CADPS: variants seen among roughly 807,000 people sequenced by gnomAD.
CADPS encodes calcium-dependent secretion activator 1.
A neutral mutation model predicts 167.3 loss-of-function variants in CADPS; 57 were observed. The ratio of observed to expected loss-of-function variants is 0.34; its 90% CI spans 0.28 to 0.42. The LOEUF is 0.42. Among genes scored for constraint, CADPS ranks in the 20% least tolerant of loss-of-function variants. CADPS has a pLI of 1.00. For missense variants in CADPS, 1,414 were observed against 1,738.1 expected, an observed-to-expected ratio of 0.81 and a Z score of 3.32; for synonymous variants, 676 against 635.3, an observed-to-expected ratio of 1.06 and a Z score of -0.96.
intron 11 of CADPS, among the ~76,000 whole-genome samples, chr3:62,548,729 G>A (rs2076883913): frequency 6.6e-6 from 1 of 152,234 alleles, no homozygotes; most frequent in Non-Finnish European, 1.5e-5. Context: ...TTAAGTCTCT[G>A]CATTTGCATT....
chr3:62,640,950 A>G (rs1314092685), intron 6 of CADPS, among the ~76,000 whole-genome samples: 1 of 151,042 alleles, frequency 6.6e-6, no homozygotes, highest in East Asian at 1.9e-4. Context: ...TTTTTTTTTC[A>G]AATTTACTTT....
At position 62,399,433 on chromosome 3, in the gene CADPS, G is replaced by A. The variant is rs143883917; in HGVS notation, c.4035C>T (p.Ser1345=). 3.5e-5 allele frequency: 56 copies of A among 1,613,948 alleles called. No individual in the cohort carries two copies. The East Asian group carries it at 4.2e-4, about 12-fold the overall frequency. Residue 1345 remains serine (S), a synonymous_variant, in exon 30 of 30, where the codon AGC becomes AGT. Transcript: ENST00000383710. This position sits in a 1 kb window ranked among gnomAD's most constrained non-coding sequence, Gnocchi z 5.6. The stretch of plus-strand genomic sequence containing the variant: ...AATCGTCTTCTTCGTCTTCCTCATC[G>A]CTGTCCTTCATGCTGATGCCCTGCA... ...GGLQGISMKD[S]DEEDEEDD
chr3:62,739,419 T>C (rs1367765841), intron 3 of CADPS, among the ~76,000 whole-genome samples: 1 of 152,210 alleles, frequency 6.6e-6, no homozygotes, highest in Non-Finnish European at 1.5e-5. Context: ...TGTTTCTTGT[T>C]TTAAGCAATT....
rs2068311458 is a variant in CADPS, at chr3:62,513,496, G to A, written c.2582-728C>T. The A allele has an allele frequency of 6.7e-6, 4 of 597,952 alleles. No individual in the cohort carries two copies. In the Admixed American group the frequency reaches 8.8e-5, roughly 13 times the overall value. 37.0% of individuals were successfully genotyped at this position (597,952 alleles called of 1,614,324 possible). A position where few individuals can be genotyped will look rare whatever the true frequency, so the allele number is the denominator to read the frequency against. On this transcript the variant is annotated intron_variant, in intron 16 of 29. Transcript: ENST00000383710. ...AAAGTGACTGGACTTCTCACACTGG[G>A]TTTCACAGACAGAACCAACAGACAA...
At chr3:62,556,540 T>G (rs1011582096) in intron 10 of CADPS, among the ~76,000 whole-genome samples, 13 of 152,214 alleles carry the variant, frequency 8.5e-5, no homozygotes, top group Admixed American at 6.5e-4. Context: ...TGGTTGGAAA[T>G]GCTTTCCTTG....
intron 4 of CADPS, among the ~76,000 whole-genome samples, chr3:62,654,879 C>T (rs181908468): frequency 4.6e-4 from 70 of 152,234 alleles, no homozygotes; most frequent in African/African-American, 1.5e-3. Flanking sequence ...TGGGTTCTTG[C>T]TAATCAATTT....
At chr3:62,615,272 C>T (rs1462209023) in intron 6 of CADPS, among the ~76,000 whole-genome samples, 2 of 152,162 alleles carry the variant, frequency 1.3e-5, no homozygotes, top group African/African-American at 4.8e-5. Context: ...AAACCACCTT[C>T]TCTAATTTGT....
intron 3 of CADPS, among the ~76,000 whole-genome samples, chr3:62,698,702 T>C (rs1563999043): frequency 6.7e-6 from 1 of 149,324 alleles, no homozygotes; most frequent in Non-Finnish European, 1.5e-5. Flanking sequence ...CTTCTCCTTC[T>C]TCCTCTCCTT....
At chr3:62,858,030 G>C (rs2080040118) in intron 1 of CADPS, among the ~76,000 whole-genome samples, 3 of 152,058 alleles carry the variant, frequency 2.0e-5, no homozygotes, top group African/African-American at 7.2e-5. Flanking sequence ...AAAGAGTTAA[G>C]ATTAATAAAT....
chr3:62,617,357 T>C (rs981915890), intron 6 of CADPS, among the ~76,000 whole-genome samples: 1 of 152,120 alleles, frequency 6.6e-6, no homozygotes, highest in African/African-American at 2.4e-5. Flanking sequence ...AAAAAAAATA[T>C]ATGGATGAAC....
At chr3:62,586,583 C>G (rs955506319) in intron 7 of CADPS, among the ~76,000 whole-genome samples, 1 of 152,144 alleles carries the variant, frequency 6.6e-6, no homozygotes, top group Non-Finnish European at 1.5e-5. Context: ...GGGCCTGACC[C>G]TTTTTCTTCA....
intron 5 of CADPS, among the ~76,000 whole-genome samples, chr3:62,649,541 G>GTCT: frequency 2.7e-5 from 2 of 75,010 alleles, no homozygotes; most frequent in Admixed American, 2.0e-4. Flanking sequence ...ACAATATGTG[G>GTCT]TCTTTTTTTT....
intron 11 of CADPS, among the ~76,000 whole-genome samples, chr3:62,546,370 A>T (rs190098210): frequency 1.3e-5 from 2 of 152,280 alleles, no homozygotes; most frequent in African/African-American, 4.8e-5. Flanking sequence ...CAGGATTTTC[A>T]GTGCTAAAAG....
At chr3:62,833,718 C>T (rs1022868424) in intron 1 of CADPS, among the ~76,000 whole-genome samples, 1 of 151,984 alleles carries the variant, frequency 6.6e-6, no homozygotes, top group Non-Finnish European at 1.5e-5. Context: ...ATGAGGGAGA[C>T]AGAGAAGCTG....
At chr3:62,732,415 A>G (rs2078084504) in intron 3 of CADPS, among the ~76,000 whole-genome samples, 2 of 152,142 alleles carry the variant, frequency 1.3e-5, no homozygotes, top group African/African-American at 4.8e-5. Context: ...TTGGCTATAG[A>G]TCCAGCCCTA....
chr3:62,863,096 A>G (rs1338026289), intron 1 of CADPS, among the ~76,000 whole-genome samples: 1 of 152,226 alleles, frequency 6.6e-6, no homozygotes, highest in Non-Finnish European at 1.5e-5. Flanking sequence ...CACCTATTAT[A>G]TATACATACA....
intron 3 of CADPS, among the ~76,000 whole-genome samples, chr3:62,688,737 C>G (rs2078548963): frequency 6.6e-6 from 1 of 152,042 alleles, no homozygotes; most frequent in Non-Finnish European, 1.5e-5. Context: ...TTTTCTCAGG[C>G]TGACCTCTAA....
At chr3:62,486,275 C>A (rs369562639) in intron 21 of CADPS, among the ~76,000 whole-genome samples, 2 of 151,876 alleles carry the variant, frequency 1.3e-5, no homozygotes, top group Non-Finnish European at 1.5e-5. Flanking sequence ...TGAAACCCTG[C>A]CCCACTAAAA....
chr3:62,790,632 A>C (rs1298445654), intron 1 of CADPS, among the ~76,000 whole-genome samples: 1 of 152,174 alleles, frequency 6.6e-6, no homozygotes, highest in African/African-American at 2.4e-5. Context: ...TTCAGATTAC[A>C]TCTCCTGTTT....
Sources: gnomAD v4.1 joint callset for allele counts (sites outside exome capture counted in the v4.1 genomes callset) on GRCh38, gnomAD v4.1.1 for gene constraint, Gnocchi (gnomAD v3.1) non-coding constraint, MANE v1.5 for transcripts, NCBI Gene and HGNC (gene_info 2026-07-23, HGNC 2026-07-21) for gene names.